The following CLEC2L variants were observed in gnomAD, a reference collection of about 807,000 sequenced individuals.
The protein encoded by CLEC2L is C-type lectin domain family 2, member L.
In CLEC2L, 14 loss-of-function variants were observed where a neutral mutation model predicts 23.6. That is an observed-to-expected ratio of 0.59 (90% confidence interval 0.39 to 0.93). CLEC2L has a LOEUF of 0.93. CLEC2L is among the 40% of genes least tolerant of loss of function. The pLI, the probability that CLEC2L is intolerant of heterozygous loss-of-function variation, is 0.00. For synonymous variants in CLEC2L, 114 were observed against 121.3 expected, an observed-to-expected ratio of 0.94 and a Z score of 0.40; for missense variants, 264 against 282.4, an observed-to-expected ratio of 0.93 and a Z score of 0.47.
Position 139,540,296 on chromosome 7 carries a change from G to C in CLEC2L, c.266-25G>C. 6.3e-7 allele frequency: 1 copy of C among 1,585,960 alleles called. No individual in the cohort carries two copies. Among genetic ancestry groups the C allele is most frequent in the Non-Finnish European group, 8.6e-7 (1 of 1,165,708 alleles). ...GGACTCGGGCTGGGGGGGCGGGCAG[G>C]GCCGAGCTGGTCTCTTCCCTGCAGC... On this transcript the variant is annotated intron_variant, in intron 2 of 4. Transcript: ENST00000422142. The surrounding 1 kb of genome is among the most constrained non-coding windows in gnomAD (Gnocchi z 5.8).
At chr7:139,534,034 G>C (rs1192826742) in intron 1 of CLEC2L, among the ~76,000 whole-genome samples, 1 of 152,160 alleles carries the variant, frequency 6.6e-6, no homozygotes, top group Non-Finnish European at 1.5e-5. Context: ...AAATTGTAAA[G>C]GGAATTCACA....
At position 139,533,957 on chromosome 7, in the gene CLEC2L, G is replaced by C. The variant is rs1029009281; in HGVS notation, c.191-2317G>C. On this transcript the variant is annotated intron_variant, in intron 1 of 4. Coordinates refer to ENST00000422142, the MANE Select transcript of CLEC2L (RefSeq NM_001080511.4). ...ACTAAAAAAACACTTTCAAAGTGGG[G>C]GCACAACAATGTAACTGTACTTAAC... Among the ~76,000 whole-genome samples the C allele has an allele frequency of 4.6e-5, 7 of 152,004 alleles. No individual in the cohort carries two copies. In the East Asian group the frequency reaches 1.3e-3, roughly 29 times the overall value.
chr7:139,534,530 G>C, intron 1 of CLEC2L: 1 of 769,420 alleles, frequency 1.3e-6, no homozygotes, highest in Non-Finnish European at 2.4e-6. Flanking sequence ...CTTCTTCATC[G>C]GCAGGCTCAA....
intron 1 of CLEC2L, among the ~76,000 whole-genome samples, chr7:139,526,361 G>T (rs1322160420): frequency 2.0e-5 from 3 of 152,146 alleles, no homozygotes; most frequent in Non-Finnish European, 4.4e-5. Flanking sequence ...GGTAGAGAGA[G>T]ACGGGTCTGG....
rs1415832498 is a variant in CLEC2L, at chr7:139,528,087, A to T, written c.190+3970A>T. Among the ~76,000 whole-genome samples, 9 of 152,186 alleles carry T rather than the reference A, an allele frequency of 5.9e-5. No individual in the cohort carries two copies. In the South Asian group the frequency reaches 1.7e-3, roughly 28 times the overall value. ...AAACTACACCCTTATACGCCATCTA[A>T]TATGGGCCATGGCATAGTAGGGAAC... On this transcript the variant is annotated intron_variant, in intron 1 of 4. Transcript: ENST00000422142.
At chr7:139,538,430 CAA>C (rs34520005) in intron 2 of CLEC2L, among the ~76,000 whole-genome samples, 4 of 98,088 alleles carry the variant, frequency 4.1e-5, no homozygotes, top group Admixed American at 1.2e-4. Flanking sequence ...GACTCTGTCT[CAA>C]AAAAAAAAAA....
At position 139,533,659 on chromosome 7, in the gene CLEC2L, T is replaced by C. The variant is rs55947325; in HGVS notation, c.191-2615T>C. ...GTGTGAGCCACTGCGCTCTGCACTATTATTTTTTAAATGAAGCCTTTTAGA... is the reference window on the plus strand; with the variant it reads ...GTGTGAGCCACTGCGCTCTGCACTACTATTTTTTAAATGAAGCCTTTTAGA... On this transcript the variant is annotated intron_variant, in intron 1 of 4. Coordinates refer to ENST00000422142, the MANE Select transcript of CLEC2L (RefSeq NM_001080511.4). Among the ~76,000 whole-genome samples the C allele has an allele frequency of 8.5e-3, 1,293 of 152,366 alleles. 13 individuals are homozygous for C. Among genetic ancestry groups the C allele is most frequent in the Non-Finnish European group, 0.014 (925 of 68,030 alleles).
intron 1 of CLEC2L, among the ~76,000 whole-genome samples, chr7:139,526,443 C>T (rs1334799015): frequency 1.3e-5 from 2 of 152,116 alleles, no homozygotes; most frequent in African/African-American, 2.4e-5. Context: ...CAGGGCTGCT[C>T]CTCTCCAGGG....
chr7:139,537,403 ATACC>A (rs1329422271), intron 2 of CLEC2L, among the ~76,000 whole-genome samples: 1 of 152,258 alleles, frequency 6.6e-6, no homozygotes, highest in Non-Finnish European at 1.5e-5. Context: ...AGGGGCTTAT[ATACC>A]TTTTTAACAA....
In CLEC2L at chr7:139,539,807, G is replaced by A. The variant is rs1264249261; in HGVS notation, c.266-514G>A. 1 of 160,390 alleles carries A rather than the reference G, an allele frequency of 6.2e-6. No homozygotes were observed. The highest frequency in any genetic ancestry group is 1.4e-5 in the Non-Finnish European group (1 of 73,088). The allele number at this position is 160,390 out of a possible 1,614,324, so 9.9% of individuals were successfully genotyped here. ...TTAGACCAGCAGGTCTAGGTCACAG[G>A]GGGACAGGTTGGGACTCAACATTTA... On this transcript the variant is annotated intron_variant, in intron 2 of 4. Transcript: ENST00000422142. The surrounding 1 kb of genome is among the most constrained non-coding windows in gnomAD (Gnocchi z 4.1).
chr7:139,542,160 C>G (rs373412417), intron 4 of CLEC2L, 39 bp downstream of exon 4: 5 of 1,432,538 alleles, frequency 3.5e-6, no homozygotes, highest in Non-Finnish European at 4.8e-6. Context: ...CGAGCTTAGA[C>G]TGAGAAAGGC....
Position 139,540,516 on chromosome 7 carries a change from G to T in CLEC2L, c.432+29G>T. On this transcript the variant is annotated intron_variant, in intron 3 of 4. Transcript: ENST00000422142. This position sits in a 1 kb window ranked among gnomAD's most constrained non-coding sequence, Gnocchi z 5.8. The stretch of plus-strand genomic sequence containing the variant: ...AGTGTGCCAAGGTGAAGGGGGTTGG[G>T]GGAAGGGACCCTCAGGGCCCCCAAC... The T allele has an allele frequency of 6.4e-7, 1 of 1,567,610 alleles. No homozygotes were observed.
In CLEC2L at chr7:139,523,971, C is replaced by A. The variant is rs1183126855; in HGVS notation, c.44C>A (p.Pro15Gln). ...REPPSRARPP[P>Q]PLAARPAPAP... The stretch of plus-strand genomic sequence containing the variant: ...CCCCCCTCGCGGGCCCGGCCGCCGC[C>A]GCCCCTCGCCGCGCGCCCCGCGCCC... The change falls in exon 1 of 5, where the codon CCG (proline) becomes CAG (glutamine). Residue 15 changes from proline to glutamine, a missense_variant. Coordinates refer to ENST00000422142, the MANE Select transcript of CLEC2L (RefSeq NM_001080511.4). The surrounding 1 kb of genome is among the most constrained non-coding windows in gnomAD (Gnocchi z 4.1). 168 of 967,682 alleles carry A rather than the reference C, an allele frequency of 1.7e-4. No individual in the cohort carries two copies. In the South Asian group the frequency reaches 6.7e-3, roughly 38 times the overall value. 59.9% of individuals were successfully genotyped at this position (967,682 alleles called of 1,614,324 possible).
rs576313219 is a variant in CLEC2L at position 139,536,160 on chromosome 7, C to G, written c.191-114C>G. ...TCTCAAAACAACAACAACAACAAAACACAGCTTGCTGGGCTCTACCTCCCC... is the reference window on the plus strand; with the variant it reads ...TCTCAAAACAACAACAACAACAAAAGACAGCTTGCTGGGCTCTACCTCCCC... On this transcript the variant is annotated intron_variant, in intron 1 of 4. Coordinates refer to ENST00000422142, the MANE Select transcript of CLEC2L (RefSeq NM_001080511.4). The G allele has an allele frequency of 7.7e-6, 6 of 778,188 alleles. No homozygotes were observed. In the East Asian group the frequency reaches 1.7e-4, roughly 22 times the overall value. The allele number at this position is 778,188 out of a possible 1,614,324, so 48.2% of individuals were successfully genotyped here.
chr7:139,531,146 G>C (rs1797577471), intron 1 of CLEC2L, among the ~76,000 whole-genome samples: 1 of 152,188 alleles, frequency 6.6e-6, no homozygotes, highest in South Asian at 2.1e-4. Flanking sequence ...ATCATGAACA[G>C]ATAACTGTGG....
intron 1 of CLEC2L, among the ~76,000 whole-genome samples, 166 bp from the exon 2 acceptor site, chr7:139,536,108 C>A (rs1024952706): frequency 1.3e-5 from 2 of 152,192 alleles, no homozygotes; most frequent in Non-Finnish European, 1.5e-5. Flanking sequence ...AGTTCGAGAC[C>A]AGCCTGGCCA....
chr7:139,527,927 T>C (rs1797528210), intron 1 of CLEC2L, among the ~76,000 whole-genome samples: 1 of 152,198 alleles, frequency 6.6e-6, no homozygotes, highest in Non-Finnish European at 1.5e-5. Flanking sequence ...CCCGATGACT[T>C]AGAGACAGCA....
intron 2 of CLEC2L, among the ~76,000 whole-genome samples, chr7:139,538,771 C>CA (rs113638456): frequency 6.2e-4 from 6 of 9,732 alleles, no homozygotes; most frequent in South Asian, 5.3e-3. Flanking sequence ...CAAAACAAAA[C>CA]AAACAAACAA....
rs1225246268 is a variant in CLEC2L, at chr7:139,523,802, C to G, written c.-126C>G. ...GGGCTCAGCCCCGGCCTGCCAGCGC[C>G]GCGGTCCTAGCCCACCCGAGGCCGG... On this transcript the variant is annotated 5_prime_UTR_variant, in exon 1 of 5. Transcript: ENST00000422142. This position sits in a 1 kb window ranked among gnomAD's most constrained non-coding sequence, Gnocchi z 4.1. 1 of 542,078 alleles carries G rather than the reference C, an allele frequency of 1.8e-6. No individual in the cohort carries two copies. Among genetic ancestry groups the G allele is most frequent in the East Asian group, 1.5e-4 (1 of 6,872 alleles). 33.6% of individuals were successfully genotyped at this position (542,078 alleles called of 1,614,324 possible).
Sources: gnomAD v4.1 joint callset for allele counts (sites outside exome capture counted in the v4.1 genomes callset) on GRCh38, gnomAD v4.1.1 for gene constraint, Gnocchi (gnomAD v3.1) non-coding constraint, MANE v1.5 for transcripts, NCBI Gene and HGNC (gene_info 2026-07-23, HGNC 2026-07-21) for gene names.